PPP2R5C: variants seen among roughly 807,000 people sequenced by gnomAD.
PPP2R5C encodes the protein serine/threonine-protein phosphatase 2A 56 kDa regulatory subunit gamma isoform.
Under a neutral mutation model 68.9 loss-of-function variants are expected in PPP2R5C, and 7 were observed. That is an observed-to-expected ratio of 0.10 (90% confidence interval 0.06 to 0.19). PPP2R5C has a LOEUF of 0.19. Ranked by LOEUF, PPP2R5C falls within the 10% of genes least tolerant of loss-of-function variation. The pLI is 1.00. For missense variants in PPP2R5C, 348 were observed against 641.3 expected (o/e 0.54, Z 4.94); for synonymous variants, 210 against 222.2 (o/e 0.95, Z 0.49).
chr14:101,809,672 T>C (rs761432379), upstream of PPP2R5C: 4 of 402,936 alleles, frequency 9.9e-6, no homozygotes, highest in Non-Finnish European at 1.6e-5. Context: ...TAAAAGTTAC[T>C]GAGAAACGAA....
Position 101,794,067 on chromosome 14 carries a change from G to A in PPP2R5C, c.259+7884G>A, listed in dbSNP as rs1181079541. 5.9e-5 allele frequency among the ~76,000 whole-genome samples: 9 copies of A among 152,298 alleles called. No individual in the cohort carries two copies. The East Asian group carries it at 1.7e-3, about 29-fold the overall frequency. The stretch of plus-strand genomic sequence containing the variant: ...ACGGGGCAAGCCATGGGTGGTTTTG[G>A]AAAAGGCAACATTCGAGTGGGGAAA... On this transcript the variant is annotated intron_variant, in intron 3 of 14. Coordinates refer to the PPP2R5C transcript ENST00000328724.
chr14:101,915,294 C>T lies in PPP2R5C; in HGVS notation c.1327-2537C>T, dbSNP rs768738380. Among the ~76,000 whole-genome samples the T allele has an allele frequency of 2.6e-4, 40 of 152,080 alleles. No homozygotes were observed. Among genetic ancestry groups the T allele is most frequent in the Non-Finnish European group, 2.1e-4 (14 of 68,016 alleles). The stretch of plus-strand genomic sequence containing the variant: ...ACGGGGTTTCACTATGTTGGCCAGG[C>T]TGGTCTCGAACTCCTGACCTTGTGA... On this transcript the variant is annotated intron_variant, in intron 12 of 13. Coordinates refer to ENST00000334743, the Ensembl canonical transcript of PPP2R5C. This position sits in a 1 kb window ranked among gnomAD's most constrained non-coding sequence, Gnocchi z 4.2.
intron 2 of PPP2R5C, among the ~76,000 whole-genome samples, chr14:101,870,689 C>G (rs995676167): frequency 6.6e-6 from 1 of 152,218 alleles, no homozygotes; most frequent in Non-Finnish European, 1.5e-5. Context: ...AAAATATTCT[C>G]CAGGGGTTTA....
rs145510795 is a variant in PPP2R5C at position 101,874,396 on chromosome 14, G to A, written c.295-7765G>A. Among the ~76,000 whole-genome samples, 540 of 152,272 alleles carry A rather than the reference G, an allele frequency of 3.5e-3. 4 individuals carry two copies. The highest frequency in any genetic ancestry group is 0.012 in the African/African-American group (494 of 41,546). On this transcript the variant is annotated intron_variant, in intron 2 of 13. Coordinates refer to ENST00000334743, the Ensembl canonical transcript of PPP2R5C. ...GCTATAAAATTCTTTCAACTTTATTGCATTGAAATTTTTCGTAATAAAAAC... is the reference window on the plus strand; with the variant it reads ...GCTATAAAATTCTTTCAACTTTATTACATTGAAATTTTTCGTAATAAAAAC...
chr14:101,891,719 T>A lies in PPP2R5C; in HGVS notation c.690-1281T>A, dbSNP rs1417417051. Among the ~76,000 whole-genome samples the A allele has an allele frequency of 1.3e-5, 2 of 152,196 alleles. No individual in the cohort carries two copies. Among genetic ancestry groups the A allele is most frequent in the Non-Finnish European group, 2.9e-5 (2 of 68,032 alleles). On this transcript the variant is annotated intron_variant, in intron 6 of 13. Coordinates refer to ENST00000334743, the Ensembl canonical transcript of PPP2R5C. The surrounding 1 kb of genome is among the most constrained non-coding windows in gnomAD (Gnocchi z 4.9). ...CTGTGAGTGAGCACACCCTCCTTGA[T>A]GGGCCGCTCCAGGCTCGCCCTTCCC...
chr14:101,840,482 C>CA (rs10611025), intron 1 of PPP2R5C, among the ~76,000 whole-genome samples: 753 of 51,842 alleles, frequency 0.015, 66 homozygotes, highest in African/African-American at 0.024. Flanking sequence ...CCCCCACCAC[C>CA]AAAAAAAAAA....
At chr14:101,811,569 C>A (rs2039364922) in intron 1 of PPP2R5C, among the ~76,000 whole-genome samples, 1 of 152,016 alleles carries the variant, frequency 6.6e-6, no homozygotes, top group African/African-American at 2.4e-5. Context: ...TCTTGAACTC[C>A]TGGGCTCAAG....
intron 1 of PPP2R5C, among the ~76,000 whole-genome samples, chr14:101,838,662 G>T (rs2041268721): frequency 6.6e-6 from 1 of 152,244 alleles, no homozygotes; most frequent in South Asian, 2.1e-4. Context: ...TCTCAGAAAG[G>T]AGGAGCCCCA....
In PPP2R5C at chr14:101,913,461, C is replaced by G. The variant is rs889165930; in HGVS notation, c.1326+988C>G. ...CTGATAAAACTGCAATCAGGAAACT[C>G]AAATCAGGAAAACGGAATGACATTT... On this transcript the variant is annotated intron_variant, in intron 12 of 13. Transcript: ENST00000334743. This position sits in a 1 kb window ranked among gnomAD's most constrained non-coding sequence, Gnocchi z 4.1. Among the ~76,000 whole-genome samples, 30 of 152,180 alleles carry G rather than the reference C, an allele frequency of 2.0e-4. No homozygotes were observed. The highest frequency in any genetic ancestry group is 6.8e-4 in the African/African-American group (28 of 41,440).
Position 101,791,016 on chromosome 14 carries a change from G to C in PPP2R5C, c.259+4833G>C, listed in dbSNP as rs939962335. On this transcript the variant is annotated intron_variant, in intron 3 of 14. Coordinates refer to the PPP2R5C transcript ENST00000328724. ...AATTGCTTGAACCTGGGAAGTGGAG[G>C]TTGCAGTGAGCCGAGATCACACCAC... Among the ~76,000 whole-genome samples the C allele has an allele frequency of 2.6e-5, 4 of 151,774 alleles. No individual in the cohort carries two copies. The South Asian group carries it at 8.3e-4, about 32-fold the overall frequency.
At chr14:101,861,098 A>G (rs1281490249) in intron 2 of PPP2R5C, among the ~76,000 whole-genome samples, 1 of 152,248 alleles carries the variant, frequency 6.6e-6, no homozygotes, top group Non-Finnish European at 1.5e-5. Context: ...TCACAATACC[A>G]GTAGCAAAAC....
rs564617684 is a variant in PPP2R5C at position 101,826,741 on chromosome 14, G to A, written c.94+16705G>A. Among the ~76,000 whole-genome samples, 10 of 152,056 alleles carry A rather than the reference G, an allele frequency of 6.6e-5. No homozygotes were observed. The South Asian group carries it at 2.1e-3, about 32-fold the overall frequency. ...CTTCTAATTCTGTAGCCTTTCCTGGGTTAGAATCAGTTAGACTAGGACTAG... is the reference window on the plus strand; with the variant it reads ...CTTCTAATTCTGTAGCCTTTCCTGGATTAGAATCAGTTAGACTAGGACTAG... On this transcript the variant is annotated intron_variant, in intron 1 of 13. Coordinates refer to ENST00000334743, the Ensembl canonical transcript of PPP2R5C.
intron 2 of PPP2R5C, among the ~76,000 whole-genome samples, chr14:101,870,005 G>T (rs1018336682): frequency 1.7e-5 from 2 of 120,834 alleles, no homozygotes; most frequent in Admixed American, 8.7e-5. Flanking sequence ...TTGGTGAATT[G>T]TCTGTTCCAA....
intron 2 of PPP2R5C, among the ~76,000 whole-genome samples, chr14:101,775,649 G>A (rs2037379628): frequency 6.6e-6 from 1 of 152,200 alleles, no homozygotes; most frequent in African/African-American, 2.4e-5. Context: ...GTACCACTGA[G>A]GCAGGTAACA....
chr14:101,913,825 A>G lies in PPP2R5C; in HGVS notation c.1326+1352A>G, dbSNP rs1047636295. On this transcript the variant is annotated intron_variant, in intron 12 of 13. Transcript: ENST00000334743. The surrounding 1 kb of genome is among the most constrained non-coding windows in gnomAD (Gnocchi z 4.1). Reference sequence around the variant, plus strand: ...AGCCCTCAGGATTGTCAAGGACCCCAGTACACATGCAGTTGAAATCAGTAG... The same window carrying G: ...AGCCCTCAGGATTGTCAAGGACCCCGGTACACATGCAGTTGAAATCAGTAG... Among the ~76,000 whole-genome samples, 9 of 152,224 alleles carry G rather than the reference A, an allele frequency of 5.9e-5. No individual in the cohort carries two copies. Among genetic ancestry groups the G allele is most frequent in the African/African-American group, 2.2e-4 (9 of 41,450 alleles).
Position 101,899,835 on chromosome 14 carries a change from T to G in PPP2R5C, c.853-1884T>G, listed in dbSNP as rs961905785. ...TAGAAATAATTCCTTTTAAAGACAC[T>G]TGTATGGTAGATTTTTATGTCAGAC... On this transcript the variant is annotated intron_variant, in intron 8 of 13. Transcript: ENST00000334743. This position sits in a 1 kb window ranked among gnomAD's most constrained non-coding sequence, Gnocchi z 4.2. Among the ~76,000 whole-genome samples the G allele has an allele frequency of 5.3e-5, 8 of 152,158 alleles. No individual in the cohort carries two copies. The highest frequency in any genetic ancestry group is 7.4e-5 in the Non-Finnish European group (5 of 68,000).
At position 101,871,228 on chromosome 14, in the gene PPP2R5C, TTTG is replaced by T. The variant is rs1555395078; in HGVS notation, c.295-10906_295-10904del. Among the ~76,000 whole-genome samples, 113 of 117,622 alleles carry T rather than the reference TTTG, an allele frequency of 9.6e-4. 1 individual carries two copies. The highest frequency in any genetic ancestry group is 2.8e-3 in the African/African-American group (73 of 26,432). The allele number at this position is 117,622 out of a possible 152,430, so 77.2% of individuals were successfully genotyped here. A position where few individuals can be genotyped will look rare whatever the true frequency, so the allele number is the denominator to read the frequency against. ...GTCTTGGTTTTTTTTTGTTTTGGTT[TTTG>T]TTGTTGTTGTTGTTGTTGTTGTTGT... On this transcript the variant is annotated intron_variant, in intron 2 of 13. Coordinates refer to ENST00000334743, the Ensembl canonical transcript of PPP2R5C.
At position 101,925,473 on chromosome 14, in the gene PPP2R5C, C is replaced by T. The variant is rs1244064006; in HGVS notation, c.*201C>T. On this transcript the variant is annotated 3_prime_UTR_variant, in exon 14 of 14. Coordinates refer to ENST00000334743, the Ensembl canonical transcript of PPP2R5C. ...TTCCCAGAGCCCGCTGGCAGAGCCG[C>T]GGGTTGACGACGGTGTCCTCGCAGT... 4 of 895,542 alleles carry T rather than the reference C, an allele frequency of 4.5e-6. No individual in the cohort carries two copies. The African/African-American group carries it at 6.8e-5, about 15-fold the overall frequency. The allele number at this position is 895,542 out of a possible 1,614,324, so 55.5% of individuals were successfully genotyped here.
chr14:101,863,973 G>A (rs1482809151), intron 2 of PPP2R5C, among the ~76,000 whole-genome samples: 4 of 152,152 alleles, frequency 2.6e-5, no homozygotes, highest in Non-Finnish European at 5.9e-5. Context: ...TTGCAGTGCT[G>A]TGTGTTTTCA....
Sources: gnomAD v4.1 joint callset for allele counts (sites outside exome capture counted in the v4.1 genomes callset) on GRCh38, gnomAD v4.1.1 for gene constraint, Gnocchi (gnomAD v3.1) non-coding constraint, MANE v1.5 for transcripts, NCBI Gene and HGNC (gene_info 2026-07-23, HGNC 2026-07-21) for gene names.